The following YIPF7 variants were observed in gnomAD, a reference collection of about 807,000 sequenced individuals.
YIPF7 encodes the protein protein YIPF7.
Under a neutral mutation model 27.2 loss-of-function variants are expected in YIPF7, and 35 were observed. The ratio of observed to expected loss-of-function variants is 1.29; its 90% CI spans 0.98 to 1.70. The LOEUF is 1.70. Among genes scored for constraint, YIPF7 ranks in the 40% most tolerant of loss-of-function variants. The pLI, the probability that YIPF7 is intolerant of heterozygous loss-of-function variation, is 0.00. For synonymous variants in YIPF7, 137 were observed against 110.4 expected (o/e 1.24, Z -1.51); for missense variants, 358 against 303.7 (o/e 1.18, Z -1.33).
chr4:44,658,205 G>A (rs907723648), intron 2 of YIPF7, among the ~76,000 whole-genome samples: 31 of 152,222 alleles, frequency 2.0e-4, no homozygotes, highest in African/African-American at 7.2e-4. Context: ...AAGTCATGAG[G>A]ATGGAGCCCT....
chr4:44,648,550 A>G (rs1341443764), intron 2 of YIPF7, among the ~76,000 whole-genome samples: 1 of 152,160 alleles, frequency 6.6e-6, no homozygotes, highest in African/African-American at 2.4e-5. Flanking sequence ...TTATCATGAA[A>G]GTTGAAGAGT....
chr4:44,659,975 G>C (rs970131105), intron 2 of YIPF7, among the ~76,000 whole-genome samples: 9 of 151,690 alleles, frequency 5.9e-5, no homozygotes, highest in African/African-American at 2.2e-4. Context: ...TTAGCCAGGA[G>C]TGGTGGCGGC....
At chr4:44,641,054 G>A (rs1713306071) in intron 2 of YIPF7, among the ~76,000 whole-genome samples, 1 of 152,028 alleles carries the variant, frequency 6.6e-6, no homozygotes, top group African/African-American at 2.4e-5. Context: ...AGAGAGTCAA[G>A]GTGCTCTCCC....
intron 2 of YIPF7, among the ~76,000 whole-genome samples, chr4:44,658,498 C>T (rs1050885908): frequency 2.0e-5 from 3 of 152,160 alleles, no homozygotes; most frequent in African/African-American, 7.2e-5. Context: ...ACTATAGTCT[C>T]CCCACTACCC....
At chr4:44,624,839 C>A in intron 4 of YIPF7, 57 bp from the exon 5 acceptor site, 2 of 1,480,884 alleles carry the variant, frequency 1.4e-6, no homozygotes, top group Non-Finnish European at 1.8e-6. Flanking sequence ...GAGAGGAAAT[C>A]TGAATATCAT....
intron 4 of YIPF7, among the ~76,000 whole-genome samples, chr4:44,626,448 A>C (rs1303771700): frequency 2.0e-5 from 3 of 152,154 alleles, no homozygotes; most frequent in Non-Finnish European, 4.4e-5. Context: ...CTTACACCCA[A>C]AGGACATCTA....
chr4:44,641,703 A>G, intron 2 of YIPF7, among the ~76,000 whole-genome samples: 1 of 152,198 alleles, frequency 6.6e-6, no homozygotes, highest in Admixed American at 6.5e-5. Flanking sequence ...CCAAGAGAAT[A>G]ACTTATTTAG....
chr4:44,653,337 C>T (rs1006411236), upstream of YIPF7, among the ~76,000 whole-genome samples: 12 of 151,790 alleles, frequency 7.9e-5, no homozygotes, highest in Admixed American at 7.2e-4. Context: ...GTGATGATTC[C>T]GTATTAGTCA....
intron 2 of YIPF7, among the ~76,000 whole-genome samples, chr4:44,649,673 C>T (rs947988202): frequency 2.6e-5 from 4 of 151,476 alleles, no homozygotes; most frequent in African/African-American, 9.7e-5. Flanking sequence ...TAGCTACATG[C>T]GAGGCTGAGG....
chr4:44,650,494 T>TGC lies in YIPF7; in HGVS notation c.-1-395_-1-394dup, dbSNP rs72183782. Reference sequence around the variant, plus strand: ...TTCATTTTAAGCAGGCGCACACACATGCGCGCGCGCGCGCACACACACACA... The same window carrying TGC: ...TTCATTTTAAGCAGGCGCACACACATGCGCGCGCGCGCGCGCACACACACACA... On this transcript the variant is annotated intron_variant, in intron 1 of 5. Transcript: ENST00000415895. 3.6e-3 allele frequency among the ~76,000 whole-genome samples: 480 copies of TGC among 133,784 alleles called. 5 individuals are homozygous for TGC. The East Asian group carries it at 0.043, about 12-fold the overall frequency. The allele number at this position is 133,784 out of a possible 152,430, so 87.8% of individuals were successfully genotyped here. A position where few individuals can be genotyped will look rare whatever the true frequency, so the allele number is the denominator to read the frequency against.
intron 1 of YIPF7, among the ~76,000 whole-genome samples, chr4:44,661,815 A>T (rs1714047712): frequency 6.6e-6 from 1 of 152,190 alleles, no homozygotes; most frequent in Admixed American, 6.5e-5. Flanking sequence ...GATTAACAGG[A>T]ATATTACTTA....
intron 2 of YIPF7, among the ~76,000 whole-genome samples, chr4:44,643,627 G>T (rs1193475088): frequency 1.3e-5 from 2 of 152,136 alleles, no homozygotes; most frequent in Admixed American, 1.3e-4. Flanking sequence ...AGGCTCAGAG[G>T]CCTAGGAAGG....
chr4:44,634,109 T>C (rs535942844), intron 3 of YIPF7, among the ~76,000 whole-genome samples: 3 of 152,318 alleles, frequency 2.0e-5, no homozygotes, highest in Admixed American at 2.0e-4. Flanking sequence ...CAACAAAGCA[T>C]TACTTGCTAT....
upstream of YIPF7, among the ~76,000 whole-genome samples, chr4:44,652,315 C>A (rs762432526): frequency 6.6e-6 from 1 of 152,152 alleles, no homozygotes; most frequent in African/African-American, 2.4e-5. Context: ...CCCAGGTAAC[C>A]TAGCTAATAC....
At chr4:44,652,541 T>A (rs1713767907), upstream of YIPF7, among the ~76,000 whole-genome samples, 1 of 152,328 alleles carries the variant, frequency 6.6e-6, no homozygotes, top group East Asian at 1.9e-4. Flanking sequence ...GCTGGAGTAA[T>A]TTTTTTCCAC....
intron 2 of YIPF7, among the ~76,000 whole-genome samples, chr4:44,640,159 G>T (rs918601986): frequency 6.6e-6 from 1 of 152,132 alleles, no homozygotes; most frequent in South Asian, 2.1e-4. Context: ...TGTTGTTGTT[G>T]TGTCCTTGTC....
intron 1 of YIPF7, among the ~76,000 whole-genome samples, chr4:44,661,306 G>T (rs1714036253): frequency 6.6e-6 from 1 of 152,098 alleles, no homozygotes; most frequent in Non-Finnish European, 1.5e-5. Flanking sequence ...ATATCTCATG[G>T]GCACATCTTG....
chr4:44,644,850 T>C (rs1713469147), intron 2 of YIPF7, among the ~76,000 whole-genome samples: 1 of 152,160 alleles, frequency 6.6e-6, no homozygotes, highest in Admixed American at 6.6e-5. Flanking sequence ...GATTGGATCA[T>C]GGAGGTGGTT....
intron 5 of YIPF7, among the ~76,000 whole-genome samples, chr4:44,624,074 T>A (rs1260654961): frequency 5.3e-5 from 8 of 151,558 alleles, no homozygotes; most frequent in Non-Finnish European, 8.8e-5. Context: ...TTTTTTTTTT[T>A]TTTATTTTGA....
Sources: gnomAD v4.1 joint callset for allele counts (sites outside exome capture counted in the v4.1 genomes callset) on GRCh38, gnomAD v4.1.1 for gene constraint, MANE v1.5 for transcripts, NCBI Gene and HGNC (gene_info 2026-07-23, HGNC 2026-07-21) for gene names.